The following NBAS variants were observed in gnomAD, a reference collection of about 807,000 sequenced individuals.
NBAS encodes the protein NBAS subunit of NRZ tethering complex, also known as NAG/BC035112 fusion.
In NBAS, 219 loss-of-function variants were observed where a neutral mutation model predicts 302.5. The observed-to-expected ratio is 0.72, with a 90% CI of 0.65 to 0.81. The LOEUF is 0.81. Ranked by LOEUF, NBAS falls within the 30% of genes least tolerant of loss-of-function variation. The pLI is 0.00. For synonymous variants in NBAS, 1,118 were observed against 1,021.6 expected, an observed-to-expected ratio of 1.09 and a Z score of -1.80; for missense variants, 2,932 against 2,841.6, an observed-to-expected ratio of 1.03 and a Z score of -0.72.
the NBAS span, among the ~76,000 whole-genome samples, chr2:15,051,273 G>A: frequency 7.2e-5 from 11 of 152,162 alleles, no homozygotes; most frequent in Non-Finnish European, 1.5e-4. Flanking sequence ...AATAACAGCC[G>A]CAGAGCCAGT....
the NBAS span, among the ~76,000 whole-genome samples, chr2:15,159,623 G>C: frequency 2.0e-5 from 3 of 151,816 alleles, no homozygotes; most frequent in Non-Finnish European, 2.9e-5. Flanking sequence ...GGGGAGGAAA[G>C]AATGGGGGAG....
chr2:14,930,074 T>G, the NBAS span, among the ~76,000 whole-genome samples: 207 of 152,324 alleles, frequency 1.4e-3, 1 homozygote, highest in African/African-American at 4.8e-3. Context: ...CTCCCAGCCA[T>G]TCTTCCTGTG....
Position 15,426,228 on chromosome 2 carries a change from T to C in NBAS, c.2423+1483A>G, listed in dbSNP as rs149223878. Among the ~76,000 whole-genome samples the C allele has an allele frequency of 4.8e-3, 726 of 152,342 alleles. 2 individuals are homozygous for C. The highest frequency in any genetic ancestry group is 0.015 in the African/African-American group (642 of 41,580). ...TCCATTGTTTTCTAGTTTCTAGTGT[T>C]TTTCCTAAGGGGCCTGAGGTCATTC... On this transcript the variant is annotated intron_variant, in intron 22 of 51. Transcript: ENST00000281513.
chr2:14,835,454 C>G, the NBAS span, among the ~76,000 whole-genome samples: 1 of 151,942 alleles, frequency 6.6e-6, no homozygotes, highest in Non-Finnish European at 1.5e-5. Flanking sequence ...TGCCTAATGA[C>G]AACCACATCC....
At chr2:15,340,697 T>C (rs1365163069) in intron 35 of NBAS, among the ~76,000 whole-genome samples, 1 of 152,062 alleles carries the variant, frequency 6.6e-6, no homozygotes, top group African/African-American at 2.4e-5. Flanking sequence ...TTAAAGACTA[T>C]GACCTAGGGT....
the NBAS span, among the ~76,000 whole-genome samples, chr2:14,909,725 G>A: frequency 2.2e-4 from 34 of 152,176 alleles, no homozygotes; most frequent in African/African-American, 7.2e-4. Context: ...TAATTTAGAG[G>A]GACTTTCTCA....
At chr2:14,919,108 A>C in the NBAS span, among the ~76,000 whole-genome samples, 1 of 152,112 alleles carries the variant, frequency 6.6e-6, no homozygotes. Context: ...CCTATGGAAT[A>C]TATTGTTCCT....
chr2:15,449,689 G>A (rs916598399), intron 21 of NBAS, among the ~76,000 whole-genome samples: 2 of 152,002 alleles, frequency 1.3e-5, no homozygotes, highest in African/African-American at 2.4e-5. Context: ...CCTACCACCA[G>A]ATCCTAACCC....
the NBAS span, among the ~76,000 whole-genome samples, chr2:15,067,369 AGAGAG>A: frequency 3.6e-5 from 2 of 55,942 alleles, no homozygotes; most frequent in African/African-American, 9.9e-5. Flanking sequence ...AAAAAAGAAA[AGAGAG>A]GAGAGGAGAG....
Position 15,186,895 on chromosome 2 carries a change from G to A in NBAS, c.6573-15C>T. 2 of 1,613,856 alleles carry A rather than the reference G, an allele frequency of 1.2e-6. No homozygotes were observed. Among genetic ancestry groups the A allele is most frequent in the Non-Finnish European group, 1.7e-6 (2 of 1,179,862 alleles). On this transcript the variant is annotated splice_polypyrimidine_tract_variant and intron_variant, in intron 49 of 51. Transcript: ENST00000281513. Reference sequence around the variant, plus strand: ...TATTGGTTATGCTGGTGTTTATGGAGAAAAATACAAGGCACTGGAAATGAC... The same window carrying A: ...TATTGGTTATGCTGGTGTTTATGGAAAAAAATACAAGGCACTGGAAATGAC...
At chr2:15,175,989 C>T (rs185937230) in intron 51 of NBAS, among the ~76,000 whole-genome samples, 4 of 152,318 alleles carry the variant, frequency 2.6e-5, no homozygotes, top group African/African-American at 7.2e-5. Flanking sequence ...AGATGTTTTT[C>T]TTTTAATGTC....
chr2:14,838,057 G>C, the NBAS span, among the ~76,000 whole-genome samples: 1 of 151,712 alleles, frequency 6.6e-6, no homozygotes, highest in Admixed American at 6.6e-5. Context: ...GAGCTGGTTT[G>C]TTTGTTTGTT....
intron 9 of NBAS, among the ~76,000 whole-genome samples, chr2:15,515,928 A>G (rs1662368520): frequency 6.6e-6 from 1 of 152,180 alleles, no homozygotes. Flanking sequence ...CCATCTTCTT[A>G]CTGCTTGTCT....
the NBAS span, among the ~76,000 whole-genome samples, chr2:14,873,258 T>C: frequency 1.6e-4 from 24 of 150,650 alleles, no homozygotes. Context: ...TGCTGACTGA[T>C]GCATTTACAA....
intron 28 of NBAS, among the ~76,000 whole-genome samples, chr2:15,393,923 G>A (rs574547209): frequency 3.3e-5 from 5 of 152,040 alleles, no homozygotes; most frequent in African/African-American, 7.2e-5. Flanking sequence ...CAGAAGTAAA[G>A]AAAATAGATT....
At chr2:14,813,015 G>A in the NBAS span, among the ~76,000 whole-genome samples, 41 of 152,260 alleles carry the variant, frequency 2.7e-4, no homozygotes, top group African/African-American at 8.9e-4. Context: ...ATATGAAGAC[G>A]TGCTTGCCTC....
intron 21 of NBAS, among the ~76,000 whole-genome samples, chr2:15,450,164 G>A (rs1678939948): frequency 6.6e-6 from 1 of 151,922 alleles, no homozygotes; most frequent in Non-Finnish European, 1.5e-5. Flanking sequence ...AGAAATAACA[G>A]GACTAGGCTA....
intron 21 of NBAS, among the ~76,000 whole-genome samples, chr2:15,447,800 T>C (rs78065355): frequency 0.013 from 1,936 of 152,286 alleles, 31 homozygotes; most frequent in East Asian, 0.06. Context: ...TCTTACTCCA[T>C]TTATGCTGCT....
At chr2:15,328,119 CA>C in intron 37 of NBAS, 79 bp downstream of exon 37, 2 of 1,389,606 alleles carry the variant, frequency 1.4e-6, no homozygotes, top group South Asian at 2.5e-5. Flanking sequence ...AGTATATTTT[CA>C]AGAAAATTTT....
Sources: gnomAD v4.1 joint callset for allele counts (sites outside exome capture counted in the v4.1 genomes callset) on GRCh38, gnomAD v4.1.1 for gene constraint, MANE v1.5 for transcripts, NCBI Gene and HGNC (gene_info 2026-07-23, HGNC 2026-07-21) for gene names.